RPH3AL: variants seen among roughly 807,000 people sequenced by gnomAD.
RPH3AL encodes the protein rab effector Noc2.
A neutral mutation model predicts 43.1 loss-of-function variants in RPH3AL; 38 were observed. That is an observed-to-expected ratio of 0.88 (90% CI 0.68 to 1.15). The LOEUF is 1.15. RPH3AL is among the 50% of genes most tolerant of loss of function. The pLI is 0.00. For missense variants in RPH3AL, 462 were observed against 423.2 expected (o/e 1.09, Z -0.81); for synonymous variants, 189 against 176.3 (o/e 1.07, Z -0.57).
intron 1 of RPH3AL, among the ~76,000 whole-genome samples, chr17:346,284 C>T (rs1479619384): frequency 7.4e-6 from 1 of 134,788 alleles, no homozygotes; most frequent in Non-Finnish European, 1.7e-5. Context: ...GTGTTTGGGG[C>T]CTTTTCCCGT....
chr17:327,664 C>T (rs959159596), intron 2 of RPH3AL, 85 bp from the exon 3 acceptor site: 2 of 773,110 alleles, frequency 2.6e-6, no homozygotes, highest in Admixed American at 2.1e-5. Context: ...CCTCAGGCCC[C>T]TCCACACCAT....
intron 5 of RPH3AL, among the ~76,000 whole-genome samples, chr17:314,382 A>C (rs1036598214): frequency 1.5e-4 from 21 of 144,118 alleles, no homozygotes; most frequent in Non-Finnish European, 2.7e-4. Flanking sequence ...GAGTCCTGCA[A>C]GTTGGCCATT....
intron 5 of RPH3AL, among the ~76,000 whole-genome samples, chr17:302,000 C>T (rs959581353): frequency 6.6e-6 from 1 of 152,232 alleles, no homozygotes; most frequent in African/African-American, 2.4e-5. Flanking sequence ...ACCCTGACTT[C>T]CTCCCGCTCA....
intron 5 of RPH3AL, among the ~76,000 whole-genome samples, chr17:302,486 T>G (rs1482208960): frequency 6.6e-6 from 1 of 152,188 alleles, no homozygotes; most frequent in Non-Finnish European, 1.5e-5. Flanking sequence ...GGTGTGTCTG[T>G]GTGCGGTGCG....
Position 314,551 on chromosome 17 carries a change from G to C in RPH3AL, c.351+4869C>G, listed in dbSNP as rs2043810074. On this transcript the variant is annotated intron_variant, in intron 5 of 9. Transcript: ENST00000331302. ...GTGACTCCACCTCCATTGACCTGTA[G>C]TCTCTGTGCCCCACCTCCACTGACA... Among the ~76,000 whole-genome samples the C allele has an allele frequency of 1.4e-5, 2 of 140,162 alleles. 1 individual carries two copies. The highest frequency in any genetic ancestry group is 5.5e-5 in the African/African-American group (2 of 36,432). The allele number at this position is 140,162 out of a possible 152,430, so 92.0% of individuals were successfully genotyped here. A position where few individuals can be genotyped will look rare whatever the true frequency, so the allele number is the denominator to read the frequency against.
In RPH3AL at chr17:292,547, G is replaced by A. The variant is rs118173680; in HGVS notation, c.352-10693C>T. ...TCTGAGACTTGAGGTTAAGCAGCTC[G>A]ACGTGGGGACCTGGGATGCGAACCC... is the stretch of plus-strand genomic sequence containing the variant. On this transcript the variant is annotated intron_variant, in intron 5 of 9. Coordinates refer to ENST00000331302, the MANE Select transcript of RPH3AL (RefSeq NM_006987.4). 5.8e-4 allele frequency among the ~76,000 whole-genome samples: 89 copies of A among 152,256 alleles called. 3 individuals carry two copies. In the East Asian group the frequency reaches 0.015, roughly 25 times the overall value.
At chr17:350,149 G>T (rs2045324400) in intron 1 of RPH3AL, among the ~76,000 whole-genome samples, 1 of 152,206 alleles carries the variant, frequency 6.6e-6, no homozygotes, top group African/African-American at 2.4e-5. Flanking sequence ...AATAAGTAAT[G>T]CATTCCTCAA....
intron 1 of RPH3AL, among the ~76,000 whole-genome samples, chr17:338,013 C>T (rs2045007387): frequency 6.6e-6 from 1 of 152,222 alleles, no homozygotes; most frequent in South Asian, 2.1e-4. Flanking sequence ...ACCTACTTCT[C>T]CCCCATCTCA....
In RPH3AL at chr17:333,229, C is replaced by A. The variant is rs1385359312; in HGVS notation, c.-37+530G>T. On this transcript the variant is annotated intron_variant, in intron 2 of 9. Coordinates refer to ENST00000331302, the MANE Select transcript of RPH3AL (RefSeq NM_006987.4). The surrounding 1 kb of genome is among the most constrained non-coding windows in gnomAD (Gnocchi z 4.5). ...ATTAGAGCTCACCACCCCGGGCGTTCGTCACTGCAGACATCACTGCAGACA... is the reference window on the plus strand; with the variant it reads ...ATTAGAGCTCACCACCCCGGGCGTTAGTCACTGCAGACATCACTGCAGACA... 4 of 1,283,842 alleles carry A rather than the reference C, an allele frequency of 3.1e-6. No individual in the cohort carries two copies. The highest frequency in any genetic ancestry group is 4.1e-6 in the Non-Finnish European group (4 of 986,772). The allele number at this position is 1,283,842 out of a possible 1,614,324, so 79.5% of individuals were successfully genotyped here. A position where few individuals can be genotyped will look rare whatever the true frequency, so the allele number is the denominator to read the frequency against.
intron 8 of RPH3AL, among the ~76,000 whole-genome samples, chr17:217,844 C>CCGTT (rs1359694290): frequency 2.9e-5 from 3 of 103,250 alleles, no homozygotes; most frequent in African/African-American, 1.1e-4. Flanking sequence ...ATTACAGAGC[C>CCGTT]CTTCTTCTGC....
chr17:223,961 G>T (rs1189286000), intron 7 of RPH3AL, among the ~76,000 whole-genome samples: 1 of 152,166 alleles, frequency 6.6e-6, no homozygotes, highest in African/African-American at 2.4e-5. Context: ...GCACACAAGG[G>T]TGCACCCCCA....
intron 6 of RPH3AL, among the ~76,000 whole-genome samples, chr17:258,668 G>A (rs782683839): frequency 8.6e-5 from 13 of 151,320 alleles, no homozygotes; most frequent in South Asian, 8.4e-4. Context: ...GCTCAGTGAC[G>A]TTCTTTTGGA....
intron 1 of RPH3AL, among the ~76,000 whole-genome samples, chr17:337,210 G>A (rs912037234): frequency 2.6e-5 from 4 of 151,792 alleles, no homozygotes; most frequent in African/African-American, 7.3e-5. Context: ...CCAACTCCTC[G>A]GCTCCCGTGA....
At chr17:331,886 AC>A (rs2044778947) in intron 2 of RPH3AL, 1 of 1,288,502 alleles carries the variant, frequency 7.8e-7, no homozygotes, top group Non-Finnish European at 1.0e-6. Context: ...TTTGTCCTGG[AC>A]AAAAATTAAA....
chr17:235,223 G>A (rs551098300), intron 7 of RPH3AL, among the ~76,000 whole-genome samples: 120 of 127,346 alleles, frequency 9.4e-4, no homozygotes, highest in Non-Finnish European at 1.5e-3. Context: ...TGGGGTCGGC[G>A]GAGGCTCCGC....
Position 323,924 on chromosome 17 carries a change from C to T in RPH3AL, c.78-2509G>A, listed in dbSNP as rs2044547419. Reference sequence around the variant, plus strand: ...CCTTACAGTCACCCGGTGAGGTGGGCCCAGACCCTCAGTCACCCCGAGAGG... The same window carrying T: ...CCTTACAGTCACCCGGTGAGGTGGGTCCAGACCCTCAGTCACCCCGAGAGG... On this transcript the variant is annotated intron_variant, in intron 3 of 9. Transcript: ENST00000331302. The surrounding 1 kb of genome is among the most constrained non-coding windows in gnomAD (Gnocchi z 4.4). 6.6e-6 allele frequency among the ~76,000 whole-genome samples: 1 copy of T among 150,784 alleles called. No individual in the cohort carries two copies. The highest frequency in any genetic ancestry group is 1.5e-5 in the Non-Finnish European group (1 of 67,646).
chr17:329,733 G>A, intron 2 of RPH3AL, among the ~76,000 whole-genome samples: 1 of 152,162 alleles, frequency 6.6e-6, no homozygotes, highest in South Asian at 2.1e-4. Context: ...AAAAACAGCT[G>A]GACCTTCATA....
chr17:227,888 T>A (rs1434721337), intron 7 of RPH3AL, among the ~76,000 whole-genome samples: 2 of 151,536 alleles, frequency 1.3e-5, no homozygotes, highest in African/African-American at 2.4e-5. Flanking sequence ...AAAAAAAAAA[T>A]TCTCTAATGT....
At chr17:318,104 C>T (rs1450535992) in intron 5 of RPH3AL, among the ~76,000 whole-genome samples, 2 of 152,144 alleles carry the variant, frequency 1.3e-5, no homozygotes, top group East Asian at 1.9e-4. Flanking sequence ...GACTAGCAGC[C>T]AGGCACGGTG....
Sources: gnomAD v4.1 joint callset for allele counts (sites outside exome capture counted in the v4.1 genomes callset) on GRCh38, gnomAD v4.1.1 for gene constraint, Gnocchi (gnomAD v3.1) non-coding constraint, MANE v1.5 for transcripts, NCBI Gene and HGNC (gene_info 2026-07-23, HGNC 2026-07-21) for gene names.